Variants in CACNB4 observed in about 807,000 individuals in gnomAD.
CACNB4 encodes calcium voltage-gated channel auxiliary subunit beta 4, also known as voltage-dependent L-type calcium channel subunit beta-4.
A neutral mutation model predicts 71.2 loss-of-function variants in CACNB4; 32 were observed. The ratio of observed to expected loss-of-function variants is 0.45; its 90% CI spans 0.34 to 0.60. CACNB4 has a LOEUF of 0.60. Among genes scored for constraint, CACNB4 ranks in the 20% least tolerant of loss-of-function variants. The pLI is 0.01. For synonymous variants in CACNB4, 231 were observed against 236.9 expected (o/e 0.97, Z 0.23); for missense variants, 464 against 647.9 (o/e 0.72, Z 3.08).
chr2:151,912,495 C>A (rs957184244), intron 2 of CACNB4, among the ~76,000 whole-genome samples: 2 of 152,132 alleles, frequency 1.3e-5, no homozygotes, highest in African/African-American at 4.8e-5. Flanking sequence ...GTTTCTTAAT[C>A]CTGAGTTCTA....
chr2:151,971,913 T>G (rs1008773753), intron 2 of CACNB4: 4 of 364,752 alleles, frequency 1.1e-5, no homozygotes, highest in Non-Finnish European at 2.1e-5. Flanking sequence ...GCCCGGAGGA[T>G]CTCAGCCTGC....
intron 2 of CACNB4, among the ~76,000 whole-genome samples, chr2:151,898,197 C>A (rs763987603): frequency 3.7e-4 from 57 of 152,194 alleles, no homozygotes; most frequent in Admixed American, 1.8e-3. Flanking sequence ...GGTCAGACAG[C>A]AGCATGAATA....
chr2:151,883,716 A>G (rs1032666790), intron 2 of CACNB4: 3 of 328,402 alleles, frequency 9.1e-6, no homozygotes, highest in African/African-American at 4.3e-5. Context: ...TTTTGCATAT[A>G]CATCTAAAGG....
At chr2:151,941,968 A>C (rs1164056070) in intron 2 of CACNB4, among the ~76,000 whole-genome samples, 1 of 152,182 alleles carries the variant, frequency 6.6e-6, no homozygotes, top group African/African-American at 2.4e-5. Flanking sequence ...AGTAACCCTA[A>C]CATGGAGGGG....
intron 9 of CACNB4, chr2:151,866,445 TGCTAAA>T (rs1399658542): frequency 3.3e-5 from 5 of 152,256 alleles, no homozygotes; most frequent in African/African-American, 4.8e-5. Context: ...CGTGTCACTG[TGCTAAA>T]GCCTTCCTTG....
chr2:151,952,914 T>C (rs2099867297), intron 2 of CACNB4, among the ~76,000 whole-genome samples: 1 of 152,232 alleles, frequency 6.6e-6, no homozygotes, highest in African/African-American at 2.4e-5. Flanking sequence ...TCTTTGCTCA[T>C]TGCTTTGCTA....
At chr2:151,848,949 T>TA (rs995252600) in intron 12 of CACNB4, among the ~76,000 whole-genome samples, 2 of 151,896 alleles carry the variant, frequency 1.3e-5, no homozygotes, top group South Asian at 2.1e-4. Context: ...CAAAAAGAAA[T>TA]AAAAAAATGT....
At position 152,059,901 on chromosome 2, in the gene CACNB4, C is replaced by T. The variant is rs776489865; in HGVS notation, c.147+38429G>A. Reference sequence around the variant, plus strand: ...TTGGGGGTGGTTCCCCCATGCTGTTCTCATGATAGTGAGTGAGTTCTCACC... The same window carrying T: ...TTGGGGGTGGTTCCCCCATGCTGTTTTCATGATAGTGAGTGAGTTCTCACC... On this transcript the variant is annotated intron_variant, in intron 2 of 13. Coordinates refer to ENST00000539935, the MANE Select transcript of CACNB4 (RefSeq NM_000726.5). 7.2e-5 allele frequency among the ~76,000 whole-genome samples: 11 copies of T among 152,260 alleles called. No individual in the cohort carries two copies. In the South Asian group the frequency reaches 1.2e-3, roughly 17 times the overall value.
At chr2:152,067,782 C>T (rs1686429296) in intron 2 of CACNB4, among the ~76,000 whole-genome samples, 1 of 152,102 alleles carries the variant, frequency 6.6e-6, no homozygotes, top group African/African-American at 2.4e-5. Flanking sequence ...AAACTCTTAC[C>T]TGTGGTGAAC....
intron 2 of CACNB4, among the ~76,000 whole-genome samples, chr2:151,918,835 C>T (rs1345533376): frequency 6.6e-6 from 1 of 152,222 alleles, no homozygotes; most frequent in East Asian, 1.9e-4. Flanking sequence ...TCCAGAGATG[C>T]AAATATCATG....
intron 6 of CACNB4, 122 bp from the exon 7 acceptor site, chr2:151,870,983 C>T (rs934706527): frequency 7.1e-6 from 5 of 704,962 alleles, no homozygotes; most frequent in Non-Finnish European, 1.2e-5. Context: ...ACCTTCCTAT[C>T]GCCCACTTTG....
chr2:151,995,592 C>A (rs534146496), intron 2 of CACNB4, among the ~76,000 whole-genome samples: 10 of 152,306 alleles, frequency 6.6e-5, no homozygotes, highest in Admixed American at 6.5e-5. Flanking sequence ...ACCTGTAGTC[C>A]CAGCTACTCG....
At chr2:152,020,944 A>G (rs1014449193) in intron 2 of CACNB4, among the ~76,000 whole-genome samples, 2 of 152,202 alleles carry the variant, frequency 1.3e-5, no homozygotes, top group Non-Finnish European at 2.9e-5. Flanking sequence ...AACTACTAGC[A>G]CAGAGACTGA....
intron 2 of CACNB4, among the ~76,000 whole-genome samples, chr2:151,962,672 T>C (rs777578977): frequency 2.0e-5 from 3 of 152,240 alleles, no homozygotes; most frequent in Non-Finnish European, 2.9e-5. Context: ...ACAAAACGTC[T>C]TTGTGACATT....
intron 2 of CACNB4, among the ~76,000 whole-genome samples, chr2:151,932,318 A>T (rs2099861822): frequency 1.3e-5 from 2 of 152,190 alleles, no homozygotes; most frequent in Admixed American, 1.3e-4. Context: ...CCAGGATGAC[A>T]AATTTTTACC....
intron 2 of CACNB4, among the ~76,000 whole-genome samples, chr2:152,064,871 G>T (rs1437364887): frequency 1.3e-5 from 2 of 152,036 alleles, no homozygotes; most frequent in East Asian, 3.9e-4. Context: ...TAAAATCCAA[G>T]AAATCCTCTC....
chr2:151,890,872 A>G (rs897897389), intron 2 of CACNB4, among the ~76,000 whole-genome samples: 1 of 152,024 alleles, frequency 6.6e-6, no homozygotes, highest in East Asian at 1.9e-4. Context: ...TAACCACAAA[A>G]TTTTTCTTCA....
At chr2:151,883,487 C>T (rs1488421186) in intron 2 of CACNB4, 117 bp from the exon 3 acceptor site, 1 of 889,986 alleles carries the variant, frequency 1.1e-6, no homozygotes, top group African/African-American at 1.6e-5. Flanking sequence ...GCACACACTC[C>T]ATGCCTTATT....
At chr2:151,920,623 A>G (rs180736533) in intron 2 of CACNB4, among the ~76,000 whole-genome samples, 4 of 152,000 alleles carry the variant, frequency 2.6e-5, no homozygotes, top group Admixed American at 2.6e-4. Context: ...GCACTATGCC[A>G]GGCCCAGTCT....
Sources: gnomAD v4.1 joint callset for allele counts (sites outside exome capture counted in the v4.1 genomes callset) on GRCh38, gnomAD v4.1.1 for gene constraint, MANE v1.5 for transcripts, NCBI Gene and HGNC (gene_info 2026-07-23, HGNC 2026-07-21) for gene names.